The following CHD1 variants were observed in gnomAD, a reference collection of about 807,000 sequenced individuals.
CHD1 encodes chromodomain helicase DNA binding protein 1.
A neutral mutation model predicts 224.2 loss-of-function variants in CHD1; 36 were observed. That is an observed-to-expected ratio of 0.16 (90% CI 0.12 to 0.21). The LOEUF (loss-of-function observed/expected upper bound fraction) is 0.21. Ranked by LOEUF, CHD1 falls within the 10% of genes least tolerant of loss-of-function variation. The pLI, the probability that CHD1 is intolerant of heterozygous loss-of-function variation, is 1.00. For synonymous variants in CHD1, 668 were observed against 658.3 expected (o/e 1.01, Z -0.23); for missense variants, 1,378 against 1,994.8 (o/e 0.69, Z 5.89).
In CHD1 at chr5:98,883,132, G is replaced by T; in HGVS notation, c.2674C>A (p.Leu892Ile). 1 of 1,601,584 alleles carries T rather than the reference G, an allele frequency of 6.2e-7. No homozygotes were observed. Among genetic ancestry groups the T allele is most frequent in the Non-Finnish European group, 8.5e-7 (1 of 1,175,444 alleles). ...FDSDWNPQND[L>I]QAQARAHRIG... is the part of the protein sequence containing the mutation. Reference sequence around the variant, plus strand: ...CGATGGGCTCTAGCCTGTGCCTGAAGATCATTCTGTGGATTCCAATCGGAA... The same window carrying T: ...CGATGGGCTCTAGCCTGTGCCTGAATATCATTCTGTGGATTCCAATCGGAA... Residue 892 changes from leucine to isoleucine, a missense_variant, in exon 19 of 36, where the codon CTT becomes ATT. Physicochemically the swap from Leu to Ile is conservative, Grantham distance 5. Around this residue, in one of 16 missense-constraint regions of CHD1, gnomAD observed 57 missense variants for 177.2 expected, o/e 0.32. Coordinates refer to ENST00000614616, the MANE Select transcript of CHD1 (RefSeq NM_001270.4).
At chr5:98,908,389 C>G (rs1752184289) in intron 2 of CHD1, among the ~76,000 whole-genome samples, 1 of 152,162 alleles carries the variant, frequency 6.6e-6, no homozygotes, top group Non-Finnish European at 1.5e-5. Flanking sequence ...ATACCTCTAT[C>G]TTGGTTATGA....
At position 98,898,603 on chromosome 5, in the gene CHD1, A is replaced by G. The variant is rs923460665; in HGVS notation, c.1186+61T>C. ...TTGATATGTAAGTGGCAAACTTATGACTTTTTTCAGATTATTTCAAGCATA... is the reference window on the plus strand; with the variant it reads ...TTGATATGTAAGTGGCAAACTTATGGCTTTTTTCAGATTATTTCAAGCATA... On this transcript the variant is annotated intron_variant, in intron 9 of 35. Transcript: ENST00000614616. 18 of 1,291,442 alleles carry G rather than the reference A, an allele frequency of 1.4e-5. No individual in the cohort carries two copies. In the Middle Eastern group the frequency reaches 6.4e-4, roughly 46 times the overall value. 80.0% of individuals were successfully genotyped at this position (1,291,442 alleles called of 1,614,324 possible).
chr5:98,900,829 G>A lies in CHD1; in HGVS notation c.841C>T (p.Arg281Trp). 6.2e-7 allele frequency: 1 copy of A among 1,607,996 alleles called. No homozygotes were observed. Reference sequence around the variant, plus strand: ...AAACTACCTCCTTTTCTCCCAATCCGACAATCCATAAATCTTTCTATGGTT... The same window carrying A: ...AAACTACCTCCTTTTCTCCCAATCCAACAATCCATAAATCTTTCTATGGTT... ...FETIERFMDC[R>W]IGRKGATGAT... is the part of the protein sequence containing the mutation. Residue 281 changes from arginine (R) to tryptophan (W), a missense_variant, in exon 7 of 36, where the codon CGG becomes TGG. By Grantham distance (101) the Arg-to-Trp change is moderately radical. Transcript: ENST00000614616.
chr5:98,869,682 A>C, intron 30 of CHD1, 72 bp downstream of exon 30: 1 of 1,516,240 alleles, frequency 6.6e-7, no homozygotes, highest in Non-Finnish European at 9.1e-7. Flanking sequence ...TAAATTTTAA[A>C]TGTAAAGTAC....
At position 98,903,868 on chromosome 5, in the gene CHD1, G is replaced by A; in HGVS notation, c.296C>T (p.Ser99Phe). 6.2e-7 allele frequency: 1 copy of A among 1,612,540 alleles called. No homozygotes were observed. Among genetic ancestry groups the A allele is most frequent in the Non-Finnish European group, 8.5e-7 (1 of 1,179,144 alleles). ...SSPSILAVQR[S>F]AILKKQQQQQ... ...CTGTTGCTGCTTCTTGAGGATTGCAGATCTCTGAACGGCCAGAATACTAGG... is the reference window on the plus strand; with the variant it reads ...CTGTTGCTGCTTCTTGAGGATTGCAAATCTCTGAACGGCCAGAATACTAGG... The change falls in exon 4 of 36, where the codon TCT (serine) becomes TTT (phenylalanine). Residue 99 changes from serine (S) to phenylalanine (F), a missense_variant. By Grantham distance (155) the Ser-to-Phe change is radical. This residue lies in a region of CHD1 where 306 missense variants were observed against 298.1 expected (regional missense o/e 1.03). Transcript: ENST00000614616.
At chr5:98,870,623 G>T in intron 29 of CHD1, 64 bp downstream of exon 29, 1 of 838,774 alleles carries the variant, frequency 1.2e-6, no homozygotes, top group South Asian at 1.7e-5. Context: ...TTAGCATGGT[G>T]AAGTAAACAA....
At chr5:98,926,308 CAATT>C in intron 2 of CHD1, 22 bp downstream of exon 2, 1 of 1,398,276 alleles carries the variant, frequency 7.2e-7, no homozygotes, top group Non-Finnish European at 9.8e-7. Flanking sequence ...TCATAGTAAA[CAATT>C]GATAACAAAG....
chr5:98,882,287 C>CTCAA (rs999101129), intron 19 of CHD1, among the ~76,000 whole-genome samples, 164 bp from the exon 20 acceptor site: 19 of 152,122 alleles, frequency 1.2e-4, no homozygotes, highest in Admixed American at 3.9e-4. Flanking sequence ...GCTAGAGTTC[C>CTCAA]TCAACTTAAG....
chr5:98,909,295 T>G (rs1050182114), intron 2 of CHD1, among the ~76,000 whole-genome samples: 1 of 152,212 alleles, frequency 6.6e-6, no homozygotes, highest in African/African-American at 2.4e-5. Context: ...CTATCCCTTG[T>G]ATTTCTTATA....
In CHD1 at chr5:98,889,529, T is replaced by G. The variant is rs553549712; in HGVS notation, c.2181-291A>C. On this transcript the variant is annotated intron_variant, in intron 15 of 35. Coordinates refer to ENST00000614616, the MANE Select transcript of CHD1 (RefSeq NM_001270.4). ...GCTAAAAAGATGGTCAGCTGCATTA[T>G]TTATCTGAATCTTCTTACAACTTTT... Among the ~76,000 whole-genome samples the G allele has an allele frequency of 3.3e-5, 5 of 152,324 alleles. No individual in the cohort carries two copies. The South Asian group carries it at 1.0e-3, about 32-fold the overall frequency.
chr5:98,871,949 T>C, intron 28 of CHD1, 102 bp downstream of exon 28: 1 of 1,086,672 alleles, frequency 9.2e-7, no homozygotes, highest in Non-Finnish European at 1.3e-6. Flanking sequence ...GCTAGTGCCT[T>C]GGTTTCCAGA....
chr5:98,924,956 C>CGACA (rs1169507534), intron 2 of CHD1, among the ~76,000 whole-genome samples: 1 of 149,956 alleles, frequency 6.7e-6, no homozygotes, highest in African/African-American at 2.5e-5. Context: ...CCAGCCTGGG[C>CGACA]GACAGAGCAA....
intron 2 of CHD1, among the ~76,000 whole-genome samples, chr5:98,913,223 C>T (rs1325185027): frequency 1.2e-4 from 19 of 152,196 alleles, no homozygotes; most frequent in African/African-American, 2.4e-5. Context: ...GTAATCCCAA[C>T]ACTTTGGAAA....
chr5:98,885,747 C>A, intron 17 of CHD1, 98 bp from the exon 18 acceptor site: 1 of 737,718 alleles, frequency 1.4e-6, no homozygotes. Flanking sequence ...TGAAGCATGT[C>A]CTTTGCTAAA....
chr5:98,904,792 G>A (rs1751943336), intron 3 of CHD1, 105 bp downstream of exon 3: 5 of 1,004,750 alleles, frequency 5.0e-6, no homozygotes, highest in East Asian at 2.4e-5. Context: ...AATTTAAAAT[G>A]TTGTCTTCTC....
At chr5:98,928,074 C>A (rs1176484179) in intron 1 of CHD1, among the ~76,000 whole-genome samples, 2 of 152,128 alleles carry the variant, frequency 1.3e-5, no homozygotes, top group African/African-American at 2.4e-5. Context: ...CGCGGACCTG[C>A]CCCCCTCTCC....
At chr5:98,865,602 C>G (rs1347092269) in intron 31 of CHD1, among the ~76,000 whole-genome samples, 1 of 152,208 alleles carries the variant, frequency 6.6e-6, no homozygotes, top group Non-Finnish European at 1.5e-5. Flanking sequence ...TCTTTCTTGA[C>G]TGCTAAATTA....
At chr5:98,900,281 CA>C (rs77593613) in intron 7 of CHD1, among the ~76,000 whole-genome samples, 38,933 of 92,410 alleles carry the variant, frequency 0.42, 5,939 homozygotes, top group African/African-American at 0.57. Flanking sequence ...GATTCTGTCA[CA>C]AAAAAAAAAA....
intron 31 of CHD1, among the ~76,000 whole-genome samples, chr5:98,867,053 C>CA (rs1748928305): frequency 6.6e-6 from 1 of 152,068 alleles, no homozygotes; most frequent in Non-Finnish European, 1.5e-5. Flanking sequence ...ACTTACTTAC[C>CA]AAATAGCATT....
Sources: gnomAD v4.1 joint callset for allele counts (sites outside exome capture counted in the v4.1 genomes callset) on GRCh38, gnomAD v4.1.1 for gene constraint, gnomAD v4.1.1 regional missense constraint, MANE v1.5 for transcripts, NCBI Gene and HGNC (gene_info 2026-07-23, HGNC 2026-07-21) for gene names.